Variants in NLGN1 observed in about 807,000 individuals in gnomAD.
The protein encoded by NLGN1 is neuroligin-1.
In NLGN1, 12 loss-of-function variants were observed where a neutral mutation model predicts 65.5. The observed-to-expected ratio is 0.18, with a 90% CI of 0.12 to 0.30. The LOEUF (loss-of-function observed/expected upper bound fraction) is 0.30. Ranked by LOEUF, NLGN1 falls within the 10% of genes least tolerant of loss-of-function variation. The pLI, the probability that NLGN1 is intolerant of heterozygous loss-of-function variation, is 1.00. For missense variants in NLGN1, 750 were observed against 1,007.1 expected (o/e 0.74, Z 3.46); for synonymous variants, 350 against 359.5 (o/e 0.97, Z 0.30).
At chr3:174,114,456 G>A (rs887466736) in intron 4 of NLGN1, among the ~76,000 whole-genome samples, 7 of 152,074 alleles carry the variant, frequency 4.6e-5, no homozygotes, top group East Asian at 1.9e-4. Flanking sequence ...CAAAACTCCC[G>A]GAAGTGCTCT....
chr3:174,239,552 T>G (rs1742409690), intron 4 of NLGN1, among the ~76,000 whole-genome samples: 3 of 152,228 alleles, frequency 2.0e-5, no homozygotes, highest in African/African-American at 4.8e-5. Flanking sequence ...ACATTTCTTT[T>G]GTTGTTGTTA....
chr3:173,869,466 C>T (rs1730774309), intron 4 of NLGN1, among the ~76,000 whole-genome samples: 1 of 152,032 alleles, frequency 6.6e-6, no homozygotes, highest in Non-Finnish European at 1.5e-5. Flanking sequence ...TGGTTTTACT[C>T]CCTGGGCATC....
intron 1 of NLGN1, among the ~76,000 whole-genome samples, chr3:173,413,783 A>G (rs976650766): frequency 1.3e-5 from 2 of 152,112 alleles, no homozygotes; most frequent in African/African-American, 4.8e-5. Flanking sequence ...AGCAGGTCAA[A>G]TGGGAAGCCC....
At chr3:174,242,783 G>C (rs1265991043) in intron 4 of NLGN1, among the ~76,000 whole-genome samples, 1 of 152,114 alleles carries the variant, frequency 6.6e-6, no homozygotes, top group Non-Finnish European at 1.5e-5. Context: ...CAATGCACTT[G>C]AATCATCCTG....
chr3:173,618,856 AGCG>A lies in NLGN1; in HGVS notation c.493+13766_493+13768del, dbSNP rs1485575677. Reference sequence around the variant, plus strand: ...GCTGGCAGTGAGAGATAAAGCTGGCAGCGAGATCAACTGGATCTGTGCCTCAGA... The same window carrying A: ...GCTGGCAGTGAGAGATAAAGCTGGCAAGATCAACTGGATCTGTGCCTCAGA... On this transcript the variant is annotated intron_variant, in intron 3 of 6. Coordinates refer to ENST00000457714, the Ensembl canonical transcript of NLGN1. Among the ~76,000 whole-genome samples, 7 of 152,210 alleles carry A rather than the reference AGCG, an allele frequency of 4.6e-5. No individual in the cohort carries two copies. In the East Asian group the frequency reaches 9.7e-4, roughly 21 times the overall value.
chr3:174,254,306 A>ATTTTTTTTTTTTTTTT (rs371427726), intron 4 of NLGN1, among the ~76,000 whole-genome samples: 11 of 113,772 alleles, frequency 9.7e-5, no homozygotes, highest in Middle Eastern at 5.2e-3. Context: ...GTCCTTTTTA[A>ATTTTTTTTTTTTTTTT]TTTTTTTTTT....
At chr3:174,015,594 C>T (rs373287492) in intron 4 of NLGN1, among the ~76,000 whole-genome samples, 29 of 152,128 alleles carry the variant, frequency 1.9e-4, no homozygotes, top group Non-Finnish European at 3.5e-4. Flanking sequence ...CAGTTCATTG[C>T]ACTGTGTATA....
At chr3:173,736,482 A>G (rs1308713537) in intron 3 of NLGN1, among the ~76,000 whole-genome samples, 1 of 152,084 alleles carries the variant, frequency 6.6e-6, no homozygotes, top group East Asian at 1.9e-4. Context: ...TGGAGGGGAA[A>G]TATAAACATA....
intron 4 of NLGN1, among the ~76,000 whole-genome samples, chr3:174,181,837 A>G (rs1730483514): frequency 6.6e-6 from 1 of 151,532 alleles, no homozygotes; most frequent in Admixed American, 6.6e-5. Flanking sequence ...CTTAGCCAGC[A>G]TGGCGGCATG....
At chr3:173,751,451 T>C (rs1387004) in intron 3 of NLGN1, among the ~76,000 whole-genome samples, 75,292 of 151,890 alleles carry the variant, frequency 0.5, 21,656 homozygotes, top group East Asian at 0.67. Context: ...ATTTGCCATG[T>C]GTTGTAAAAG....
intron 2 of NLGN1, among the ~76,000 whole-genome samples, chr3:173,527,749 C>T (rs1027797961): frequency 6.6e-6 from 1 of 152,050 alleles, no homozygotes; most frequent in Non-Finnish European, 1.5e-5. Flanking sequence ...TGTTTGAGCT[C>T]CTTATATATT....
chr3:173,727,268 A>G lies in NLGN1; in HGVS notation c.494-80412A>G, dbSNP rs1369958980. On this transcript the variant is annotated intron_variant, in intron 3 of 6. Transcript: ENST00000457714. ...AGTTAATTAGTAAGTGGCAAGCTTA[A>G]ATGACCGTTCCCAGAAATCTTACCT... 2.0e-5 allele frequency among the ~76,000 whole-genome samples: 3 copies of G among 152,154 alleles called. No individual in the cohort carries two copies. The East Asian group carries it at 5.8e-4, about 29-fold the overall frequency.
intron 2 of NLGN1, among the ~76,000 whole-genome samples, chr3:173,503,549 A>C (rs1731510746): frequency 6.6e-6 from 1 of 152,102 alleles, no homozygotes; most frequent in South Asian, 2.1e-4. Flanking sequence ...CATTTGTAGA[A>C]GATTTTACTT....
chr3:174,138,433 C>CT (rs58713208), intron 4 of NLGN1, among the ~76,000 whole-genome samples: 12,971 of 132,500 alleles, frequency 0.098, 1,353 homozygotes, highest in African/African-American at 0.26. Flanking sequence ...TTCTACTATT[C>CT]TTTTTTTTTT....
intron 4 of NLGN1, among the ~76,000 whole-genome samples, chr3:173,922,163 A>C (rs887247379): frequency 1.3e-5 from 2 of 152,108 alleles, no homozygotes; most frequent in African/African-American, 2.4e-5. Flanking sequence ...ATAGAAATCT[A>C]TATTTTTTTA....
chr3:174,086,820 T>A (rs1202263614), intron 4 of NLGN1, among the ~76,000 whole-genome samples: 1 of 152,158 alleles, frequency 6.6e-6, no homozygotes, highest in East Asian at 1.9e-4. Flanking sequence ...TACAGTAGAA[T>A]CTCTACAAAA....
chr3:174,077,348 A>C (rs1340236924), intron 4 of NLGN1, among the ~76,000 whole-genome samples: 1 of 152,178 alleles, frequency 6.6e-6, no homozygotes, highest in Non-Finnish European at 1.5e-5. Context: ...ATGCACTACT[A>C]GAACATTGAA....
intron 1 of NLGN1, among the ~76,000 whole-genome samples, chr3:173,409,740 T>A (rs1712115970): frequency 6.6e-6 from 1 of 152,194 alleles, no homozygotes; most frequent in African/African-American, 2.4e-5. Flanking sequence ...CACTCTAATA[T>A]GAATAAGTTT....
At chr3:174,163,008 GCT>G (rs1726838906) in intron 4 of NLGN1, among the ~76,000 whole-genome samples, 1 of 151,820 alleles carries the variant, frequency 6.6e-6, no homozygotes, top group African/African-American at 2.4e-5. Context: ...CTACTTTTTA[GCT>G]CTGTGTTCAC....
Sources: allele counts gnomAD v4.1 joint callset (sites outside exome capture counted in the v4.1 genomes callset), GRCh38; gene constraint gnomAD v4.1.1; transcripts MANE v1.5; gene names NCBI Gene and HGNC (gene_info 2026-07-23, HGNC 2026-07-21).